NR2F2: variants seen among roughly 807,000 people sequenced by gnomAD.
The protein encoded by NR2F2 is nuclear receptor subfamily 2 group F member 2.
Under a neutral mutation model 34.8 loss-of-function variants are expected in NR2F2, and 2 were observed. The ratio of observed to expected loss-of-function variants is 0.06; its 90% CI spans 0.02 to 0.18. The LOEUF is 0.18. NR2F2 is among the 10% of genes least tolerant of loss of function. The pLI is 1.00. For synonymous variants in NR2F2, 274 were observed against 251.8 expected (o/e 1.09, Z -0.84); for missense variants, 300 against 580.1 (o/e 0.52, Z 4.96).
At chr15:96,335,392 C>A (rs1380095634) in intron 2 of NR2F2, among the ~76,000 whole-genome samples, 1 of 152,200 alleles carries the variant, frequency 6.6e-6, no homozygotes, top group Non-Finnish European at 1.5e-5. Context: ...GTAGTTTAAC[C>A]TGTGTGAGTA....
In NR2F2 at chr15:96,330,710, T is replaced by G. The variant is rs1899108906; in HGVS notation, c.-1396T>G. The G allele has an allele frequency of 3.7e-6, 1 of 266,780 alleles. No homozygotes were observed. Among genetic ancestry groups the G allele is most frequent in the South Asian group, 1.5e-4 (1 of 6,708 alleles). 16.5% of individuals were successfully genotyped at this position (266,780 alleles called of 1,614,324 possible). A position where few individuals can be genotyped will look rare whatever the true frequency, so the allele number is the denominator to read the frequency against. ...AGTGAGCTGATCGCGGAGAAGCCAC[T>G]TCTGCCAGCCCCGGCGCCTATAAAT... On this transcript the variant is annotated 5_prime_UTR_variant, in exon 1 of 3. Coordinates refer to ENST00000394166, the MANE Select transcript of NR2F2 (RefSeq NM_021005.4).
Position 96,332,244 on chromosome 15 carries a change from G to A in NR2F2, c.139G>A (p.Gly47Ser). ...PHTPQTPGQG[G>S]PASTPAQTAA... ...CACGCCACAGACGCCCGGCCAAGGG[G>A]GCCCAGCCAGCACGCCAGCCCAGAC... Residue 47 changes from glycine (G) to serine (S), a missense_variant, in exon 1 of 3, where the codon GGC becomes AGC. Around this residue, in one of 6 missense-constraint regions of NR2F2, gnomAD observed 105 missense variants for 107.8 expected, o/e 0.97. Transcript: ENST00000394166. 2 of 1,540,036 alleles carry A rather than the reference G, an allele frequency of 1.3e-6. No homozygotes were observed. The highest frequency in any genetic ancestry group is 8.7e-7 in the Non-Finnish European group (1 of 1,144,446).
chr15:96,329,461 C>A (rs188459745), upstream of NR2F2, among the ~76,000 whole-genome samples: 57 of 152,280 alleles, frequency 3.7e-4, no homozygotes, highest in East Asian at 9.3e-3. Context: ...GGGTTTGGTT[C>A]TTGTGACCTG....
At position 96,330,917 on chromosome 15, in the gene NR2F2, T is replaced by C; in HGVS notation, c.-1189T>C. On this transcript the variant is annotated 5_prime_UTR_variant, in exon 1 of 3. Transcript: ENST00000394166. ...CTTTTTTCCCCTCTTTCATTCTTTC[T>C]CTCCGTCTTTTTCTCCCCCCTCTGC... 8.8e-7 allele frequency: 1 copy of C among 1,134,532 alleles called. No homozygotes were observed. Among genetic ancestry groups the C allele is most frequent in the South Asian group, 4.3e-5 (1 of 23,216 alleles). The allele number at this position is 1,134,532 out of a possible 1,614,324, so 70.3% of individuals were successfully genotyped here.
chr15:96,337,296 C>G, intron 2 of NR2F2, 52 bp from the exon 3 acceptor site: 1 of 1,580,412 alleles, frequency 6.3e-7, no homozygotes, highest in Non-Finnish European at 8.6e-7. Flanking sequence ...TCTTCTTCTT[C>G]TTCTTCTTCT....
chr15:96,326,555 T>A (rs1898992925), upstream of NR2F2, among the ~76,000 whole-genome samples: 1 of 148,808 alleles, frequency 6.7e-6, no homozygotes, highest in Non-Finnish European at 1.5e-5. The surrounding 1 kb of genome is among the most constrained non-coding windows in gnomAD (Gnocchi z 5.5). Context: ...ATTACATGTG[T>A]GTGGTAGGAG....
Position 96,331,083 on chromosome 15 carries a change from G to GCAGCAGCGGCAGCAGCGA in NR2F2, c.-1021_-1004dup, listed in dbSNP as rs1899125639. On this transcript the variant is annotated 5_prime_UTR_variant, in exon 1 of 3. Transcript: ENST00000394166. ...AGCAGCAGCAGCGGCTCCGGCGGCG[G>GCAGCAGCGGCAGCAGCGA]CAGCAGCGGCAGCAGCGACTTCAGC... 1.1e-5 allele frequency: 13 copies of GCAGCAGCGGCAGCAGCGA among 1,224,500 alleles called. No homozygotes were observed. In the South Asian group the frequency reaches 4.5e-4, roughly 42 times the overall value. 75.9% of individuals were successfully genotyped at this position (1,224,500 alleles called of 1,614,324 possible).
intron 2 of NR2F2, 49 bp from the exon 3 acceptor site, chr15:96,337,281 ATTCTTCTTCTTCTTCTTC>A: frequency 6.7e-7 from 1 of 1,499,060 alleles, no homozygotes; most frequent in Non-Finnish European, 9.1e-7. Context: ...TGATGACTGA[ATTCTTCTTCTTCTTCTTC>A]TTCTTCTTTT....
upstream of NR2F2, chr15:96,327,354 C>G (rs1899022423): frequency 6.6e-6 from 1 of 152,118 alleles, no homozygotes; most frequent in East Asian, 1.9e-4. Context: ...AAGTCGTTTC[C>G]CTTTAAGAGC....
chr15:96,333,576 C>T, intron 1 of NR2F2: 3 of 1,014,398 alleles, frequency 3.0e-6, no homozygotes, highest in Non-Finnish European at 3.5e-6. Context: ...GGGTTCCCCG[C>T]CGGGCTGGGG....
Position 96,332,002 on chromosome 15 carries a change from A to C in NR2F2, c.-104A>C. 1 of 1,214,922 alleles carries C rather than the reference A, an allele frequency of 8.2e-7. No individual in the cohort carries two copies. The highest frequency in any genetic ancestry group is 1.0e-6 in the Non-Finnish European group (1 of 976,606). The allele number at this position is 1,214,922 out of a possible 1,614,324, so 75.3% of individuals were successfully genotyped here. A position where few individuals can be genotyped will look rare whatever the true frequency, so the allele number is the denominator to read the frequency against. On this transcript the variant is annotated 5_prime_UTR_variant, in exon 1 of 3. Coordinates refer to ENST00000394166, the MANE Select transcript of NR2F2 (RefSeq NM_021005.4). ...CCCGCGCCCTCTTGCACCCTCGCAC[A>C]CACAAAAGGCGGCGCGCCGGAGCCC...
upstream of NR2F2, among the ~76,000 whole-genome samples, chr15:96,330,297 G>A (rs909638482): frequency 3.3e-5 from 5 of 152,142 alleles, no homozygotes; most frequent in Admixed American, 6.5e-5. Context: ...GACGTTGTGT[G>A]TGCGCGCTGC....
At position 96,331,340 on chromosome 15, in the gene NR2F2, A is replaced by C. The variant is rs1266795686; in HGVS notation, c.-766A>C. The C allele has an allele frequency of 1.7e-6, 2 of 1,207,474 alleles. No individual in the cohort carries two copies. The highest frequency in any genetic ancestry group is 2.1e-6 in the Non-Finnish European group (2 of 972,446). 74.8% of individuals were successfully genotyped at this position (1,207,474 alleles called of 1,614,324 possible). A position where few individuals can be genotyped will look rare whatever the true frequency, so the allele number is the denominator to read the frequency against. On this transcript the variant is annotated 5_prime_UTR_variant, in exon 1 of 3. Coordinates refer to ENST00000394166, the MANE Select transcript of NR2F2 (RefSeq NM_021005.4). ...CGCCGCGCAGCGCCCGACGCGGACC[A>C]CTTTCATGCTGATTCCCCCGGACCC... is the stretch of plus-strand genomic sequence containing the variant.
Position 96,331,318 on chromosome 15 carries a change from C to G in NR2F2, c.-788C>G. On this transcript the variant is annotated 5_prime_UTR_variant, in exon 1 of 3. Transcript: ENST00000394166. ...CGGCGGCCCAGCGCCAGGACGACGC[C>G]GCGCAGCGCCCGACGCGGACCACTT... 1 of 1,169,888 alleles carries G rather than the reference C, an allele frequency of 8.5e-7. No individual in the cohort carries two copies. Among genetic ancestry groups the G allele is most frequent in the Non-Finnish European group, 1.1e-6 (1 of 948,462 alleles). 72.5% of individuals were successfully genotyped at this position (1,169,888 alleles called of 1,614,324 possible). A position where few individuals can be genotyped will look rare whatever the true frequency, so the allele number is the denominator to read the frequency against.
chr15:96,330,440 G>A (rs1034828879), upstream of NR2F2, among the ~76,000 whole-genome samples: 1 of 59,716 alleles, frequency 1.7e-5, no homozygotes, highest in East Asian at 5.2e-4. Context: ...CCCCGTCCCC[G>A]CCCCCCCAAC....
At position 96,340,201 on chromosome 15, in the gene NR2F2, CCATT is replaced by C. The variant is rs1300010947; in HGVS notation, c.*2580_*2583del. 1 of 151,972 alleles carries C rather than the reference CCATT, an allele frequency of 6.6e-6. No individual in the cohort carries two copies. Among genetic ancestry groups the C allele is most frequent in the Non-Finnish European group, 1.5e-5 (1 of 68,006 alleles). 9.4% of individuals were successfully genotyped at this position (151,972 alleles called of 1,614,324 possible). A position where few individuals can be genotyped will look rare whatever the true frequency, so the allele number is the denominator to read the frequency against. On this transcript the variant is annotated 3_prime_UTR_variant, in exon 3 of 3. Transcript: ENST00000394166. Reference sequence around the variant, plus strand: ...TTTTGTGTTAGTTTATTGTAAACAGCCATTTGTTGTAAATTATTATTGGCATTAA... The same window carrying C: ...TTTTGTGTTAGTTTATTGTAAACAGCTGTTGTAAATTATTATTGGCATTAA...
Position 96,337,559 on chromosome 15 carries a change from C to G in NR2F2, c.1182C>G (p.Thr394=), listed in dbSNP as rs752287316. ...VRLVGKTPIE[T]LIRDMLLSGS... ...TGGTAGGTAAAACCCCCATCGAAACCCTCATCCGGGATATGTTACTGTCCG... is the reference window on the plus strand; with the variant it reads ...TGGTAGGTAAAACCCCCATCGAAACGCTCATCCGGGATATGTTACTGTCCG... Residue 394 remains threonine, a synonymous_variant, in exon 3 of 3, where the codon ACC becomes ACG. Transcript: ENST00000394166. 12 of 1,613,942 alleles carry G rather than the reference C, an allele frequency of 7.4e-6. No individual in the cohort carries two copies. The highest frequency in any genetic ancestry group is 1.1e-5 in the South Asian group (1 of 91,080).
In NR2F2 at chr15:96,330,826, G is replaced by C. The variant is rs1232048623; in HGVS notation, c.-1280G>C. 2.6e-6 allele frequency: 3 copies of C among 1,140,154 alleles called. No homozygotes were observed. The East Asian group carries it at 1.2e-4, about 44-fold the overall frequency. 70.6% of individuals were successfully genotyped at this position (1,140,154 alleles called of 1,614,324 possible). A position where few individuals can be genotyped will look rare whatever the true frequency, so the allele number is the denominator to read the frequency against. Reference sequence around the variant, plus strand: ...CCGCGGTGTGTGTGTGCGTGCGCGCGTGTGTGTTTTCTTCTTCTCCTCCTC... The same window carrying C: ...CCGCGGTGTGTGTGTGCGTGCGCGCCTGTGTGTTTTCTTCTTCTCCTCCTC... On this transcript the variant is annotated 5_prime_UTR_variant, in exon 1 of 3. Coordinates refer to ENST00000394166, the MANE Select transcript of NR2F2 (RefSeq NM_021005.4).
upstream of NR2F2, among the ~76,000 whole-genome samples, chr15:96,328,831 T>G (rs755725960): frequency 2.6e-5 from 4 of 152,022 alleles, no homozygotes; most frequent in Non-Finnish European, 4.4e-5. Flanking sequence ...AATACGTGAT[T>G]TCATCGGAGA....
Sources: gnomAD v4.1 joint callset for allele counts (sites outside exome capture counted in the v4.1 genomes callset) on GRCh38, gnomAD v4.1.1 for gene constraint, gnomAD v4.1.1 regional missense constraint, Gnocchi (gnomAD v3.1) non-coding constraint, MANE v1.5 for transcripts, NCBI Gene and HGNC (gene_info 2026-07-23, HGNC 2026-07-21) for gene names.